ERP27: variants seen among roughly 807,000 people sequenced by gnomAD.
The protein encoded by ERP27 is endoplasmic reticulum protein 27, also known as endoplasmic reticulum resident protein 27.
In ERP27, 23 loss-of-function variants were observed where a neutral mutation model predicts 27.7. The ratio of observed to expected loss-of-function variants is 0.83; its 90% CI spans 0.60 to 1.18. The LOEUF (loss-of-function observed/expected upper bound fraction) is 1.18, where lower values mean the gene tolerates loss of function less well. Among genes scored for constraint, ERP27 ranks in the 50% most tolerant of loss-of-function variants. The probability of loss-of-function intolerance (pLI) is 0.00; values close to 1 mark genes in which losing one functional copy is unlikely to be tolerated. For synonymous variants in ERP27, 159 were observed against 118.3 expected (o/e 1.34, Z -2.23); for missense variants, 363 against 327.9 (o/e 1.11, Z -0.83).
intron 6 of ERP27, among the ~76,000 whole-genome samples, chr12:14,915,041 T>C (rs536293649): frequency 6.6e-6 from 1 of 152,346 alleles, no homozygotes; most frequent in African/African-American, 2.4e-5. Flanking sequence ...CATATCCTCA[T>C]AGACTTTTGC....
In ERP27 at chr12:14,914,577, T is replaced by TGTGCGCGTGTGTGTGTGC; in HGVS notation, c.*157_*158insGCACACACACACGCGCAC. 5.5e-6 allele frequency: 3 copies of TGTGCGCGTGTGTGTGTGC among 541,918 alleles called. No individual in the cohort carries two copies. Among genetic ancestry groups the TGTGCGCGTGTGTGTGTGC allele is most frequent in the East Asian group, 3.1e-5 (1 of 31,950 alleles). 33.6% of individuals were successfully genotyped at this position (541,918 alleles called of 1,614,324 possible). On this transcript the variant is annotated 3_prime_UTR_variant, in exon 7 of 7. Coordinates refer to ENST00000266397, the MANE Select transcript of ERP27 (RefSeq NM_152321.4). ...GAAGCTCTGTGTGTGTGTGTGTGTG[T>TGTGCGCGTGTGTGTGTGC]GCGTGTGTGTGTGCACGCGTGCGTG...
intron 5 of ERP27, 55 bp from the exon 6 acceptor site, chr12:14,915,741 T>G: frequency 6.7e-7 from 1 of 1,489,324 alleles, no homozygotes. Flanking sequence ...CGTCCAGGGA[T>G]AAAGAGATAC....
chr12:14,923,831 T>C (rs2256576), intron 3 of ERP27, among the ~76,000 whole-genome samples: 98,645 of 151,474 alleles, frequency 0.65, 32,315 homozygotes, highest in East Asian at 0.86. Context: ...TATCCGTTGC[T>C]TCAAATATTC....
chr12:14,922,876 G>T (rs1181355450), intron 3 of ERP27, among the ~76,000 whole-genome samples: 57 of 152,102 alleles, frequency 3.7e-4, no homozygotes, highest in Non-Finnish European at 2.5e-4. Flanking sequence ...AGGAGTTCAA[G>T]ACTAGCCGGC....
chr12:14,921,378 A>G (rs574370898), intron 3 of ERP27, among the ~76,000 whole-genome samples: 2 of 152,330 alleles, frequency 1.3e-5, no homozygotes, highest in Non-Finnish European at 2.9e-5. Context: ...AGGAGCTTTA[A>G]ATAGAGAACA....
intron 3 of ERP27, among the ~76,000 whole-genome samples, chr12:14,931,610 G>A (rs1397589362): frequency 3.3e-5 from 5 of 152,102 alleles, no homozygotes; most frequent in African/African-American, 1.2e-4. Context: ...TCCGTCACTA[G>A]CGGTAAACAA....
At chr12:14,929,108 C>T in intron 3 of ERP27, 1 of 1,504,800 alleles carries the variant, frequency 6.6e-7, no homozygotes, top group South Asian at 1.3e-5. Context: ...GCCTGCACCT[C>T]AGCTCACATC....
intron 4 of ERP27, 106 bp downstream of exon 4, chr12:14,920,826 T>C (rs550534337): frequency 1.8e-4 from 140 of 798,446 alleles, no homozygotes; most frequent in Middle Eastern, 1.4e-3. Flanking sequence ...CAGTATTGTA[T>C]TGGTCGAAGA....
Position 14,914,483 on chromosome 12 carries a change from T to C in ERP27, c.*252A>G. On this transcript the variant is annotated 3_prime_UTR_variant, in exon 7 of 7. Transcript: ENST00000266397. ...TATGAATGCACGATAAGAAGGAAATTGGATAGGGAGTGAGGATATGAAATT... is the reference window on the plus strand; with the variant it reads ...TATGAATGCACGATAAGAAGGAAATCGGATAGGGAGTGAGGATATGAAATT... 2.1e-6 allele frequency: 1 copy of C among 476,586 alleles called. No individual in the cohort carries two copies. Among genetic ancestry groups the C allele is most frequent in the Non-Finnish European group, 3.7e-6 (1 of 270,184 alleles). 29.5% of individuals were successfully genotyped at this position (476,586 alleles called of 1,614,324 possible). A position where few individuals can be genotyped will look rare whatever the true frequency, so the allele number is the denominator to read the frequency against.
Position 14,914,742 on chromosome 12 carries a change from T to C in ERP27, c.815A>G (p.Glu272Gly). The change falls in exon 7 of 7, where the codon GAA becomes GGA. Residue 272 changes from glutamate (E) to glycine (G), a missense_variant. Glu to Gly is a moderately conservative substitution (Grantham distance 98). Coordinates refer to ENST00000266397, the MANE Select transcript of ERP27 (RefSeq NM_152321.4). ...TGTAGTTCCAAGGAGAAGTCAGAGT[T>C]CCACCTTTGGAGTCTTTCCTTCTGA... ...RESEGKTPKV[E>G]L is the part of the protein sequence containing the mutation. 1.9e-6 allele frequency: 3 copies of C among 1,613,732 alleles called. No individual in the cohort carries two copies. Among genetic ancestry groups the C allele is most frequent in the Non-Finnish European group, 2.5e-6 (3 of 1,179,804 alleles).
At chr12:14,923,501 A>ATCTATCTG (rs1390930180) in intron 3 of ERP27, among the ~76,000 whole-genome samples, 13 of 150,876 alleles carry the variant, frequency 8.6e-5, no homozygotes, top group Non-Finnish European at 1.3e-4. Context: ...CAATCTATCT[A>ATCTATCTG]TCTATCTATC....
chr12:14,921,037 T>C lies in ERP27; in HGVS notation c.345A>G (p.Glu115=). ...TGTCTTCGTCCTCTAAATTCAGTTG[T>C]TCATTGTCTACCTGGATAACACAAA... ...TICLFRLVDN[E]QLNLEDEDIE... is the part of the protein sequence containing the mutation. Residue 115 remains glutamate (E), a synonymous_variant, in exon 4 of 7, where the codon GAA becomes GAG. Coordinates refer to ENST00000266397, the MANE Select transcript of ERP27 (RefSeq NM_152321.4). 1 of 1,613,706 alleles carries C rather than the reference T, an allele frequency of 6.2e-7. No individual in the cohort carries two copies. Among genetic ancestry groups the C allele is most frequent in the Non-Finnish European group, 8.5e-7 (1 of 1,179,578 alleles).
intron 3 of ERP27, among the ~76,000 whole-genome samples, chr12:14,932,372 C>T (rs948491225): frequency 3.9e-5 from 6 of 151,996 alleles, no homozygotes; most frequent in Non-Finnish European, 8.8e-5. Context: ...GAGAAGGAGT[C>T]ATCTGGGTGA....
At chr12:14,934,157 G>C (rs1487432195) in intron 3 of ERP27, among the ~76,000 whole-genome samples, 2 of 152,038 alleles carry the variant, frequency 1.3e-5, no homozygotes, top group African/African-American at 4.8e-5. Context: ...AGATTGGCCT[G>C]TTTATTGTTT....
Position 14,914,575 on chromosome 12 carries a change from T to TGCGC in ERP27, c.*159_*160insGCGC, listed in dbSNP as rs1456605327. The TGCGC allele has an allele frequency of 1.2e-5, 7 of 573,582 alleles. No homozygotes were observed. The highest frequency in any genetic ancestry group is 6.1e-5 in the East Asian group (2 of 32,794). The allele number at this position is 573,582 out of a possible 1,614,324, so 35.5% of individuals were successfully genotyped here. A position where few individuals can be genotyped will look rare whatever the true frequency, so the allele number is the denominator to read the frequency against. On this transcript the variant is annotated 3_prime_UTR_variant, in exon 7 of 7. Coordinates refer to ENST00000266397, the MANE Select transcript of ERP27 (RefSeq NM_152321.4). ...ATGAAGCTCTGTGTGTGTGTGTGTGTGTGCGTGTGTGTGTGCACGCGTGCG... is the reference window on the plus strand; with the variant it reads ...ATGAAGCTCTGTGTGTGTGTGTGTGTGCGCGTGCGTGTGTGTGTGCACGCGTGCG...
At chr12:14,930,740 T>G (rs1863685529) in intron 3 of ERP27, among the ~76,000 whole-genome samples, 2 of 152,246 alleles carry the variant, frequency 1.3e-5, no homozygotes, top group Admixed American at 1.3e-4. Context: ...GGCCTTTTAT[T>G]GCTCCAACAT....
At chr12:14,929,060 G>A in intron 3 of ERP27, 4 of 1,531,928 alleles carry the variant, frequency 2.6e-6, no homozygotes, top group Non-Finnish European at 3.5e-6. Flanking sequence ...GTGTCTAAAT[G>A]CTTCCTGACT....
At chr12:14,919,515 G>A (rs1863467219) in intron 4 of ERP27, among the ~76,000 whole-genome samples, 1 of 152,186 alleles carries the variant, frequency 6.6e-6, no homozygotes, top group Non-Finnish European at 1.5e-5. Flanking sequence ...AGGGGCATAT[G>A]TGTTTGGAGC....
Position 14,915,687 on chromosome 12 carries a change from C to G in ERP27, c.577-1G>C, listed in dbSNP as rs181509932. ...CACTGTCCACCAGAATAAAGAGAAT[C>G]TGCAGTTGGGGAAGTTTGAAAGAAA... On this transcript the variant is annotated splice_acceptor_variant, in intron 5 of 6. Coordinates refer to ENST00000266397, the MANE Select transcript of ERP27 (RefSeq NM_152321.4). LOFTEE classifies it high-confidence loss of function. 1.5e-5 allele frequency: 24 copies of G among 1,611,222 alleles called. No individual in the cohort carries two copies. The highest frequency in any genetic ancestry group is 2.0e-5 in the Non-Finnish European group (24 of 1,177,722).
Sources: allele counts gnomAD v4.1 joint callset (sites outside exome capture counted in the v4.1 genomes callset), GRCh38; gene constraint gnomAD v4.1.1; transcripts MANE v1.5; gene names NCBI Gene and HGNC (gene_info 2026-07-23, HGNC 2026-07-21).